Variants in SYN1 observed in about 807,000 individuals in gnomAD.
The protein encoded by SYN1 is synapsin-1.
SYN1 carries 8 observed loss-of-function variants against 44.6 expected under a neutral mutation model. The ratio of observed to expected loss-of-function variants is 0.18; its 90% CI spans 0.11 to 0.32. SYN1 has a LOEUF of 0.32. Ranked by LOEUF, SYN1 falls within the 10% of genes least tolerant of loss-of-function variation. SYN1 has a pLI of 1.00. For synonymous variants in SYN1, 275 were observed against 280.1 expected, an observed-to-expected ratio of 0.98 and a Z score of 0.18; for missense variants, 451 against 639.4, an observed-to-expected ratio of 0.71 and a Z score of 3.18.
intron 3 of SYN1, among the ~76,000 whole-genome samples, 198 bp downstream of exon 3, chrX:47,606,747 A>ATTT (rs1169667275): frequency 1.0e-5 from 1 of 99,639 alleles, no homozygotes; most frequent in African/African-American, 4.1e-5. Context: ...ATATATATAT[A>ATTT]TATATTTTTT....
intron 5 of SYN1, among the ~76,000 whole-genome samples, chrX:47,578,781 G>A (rs1243637428): frequency 1.8e-5 from 2 of 111,492 alleles, no homozygotes; most frequent in Admixed American, 9.4e-5. Context: ...ATTCCCGGAG[G>A]GGCTGCTGGG....
chrX:47,581,628 G>A (rs2057798655), intron 5 of SYN1, among the ~76,000 whole-genome samples: 1 of 111,993 alleles, frequency 8.9e-6, no homozygotes, highest in African/African-American at 3.2e-5. Flanking sequence ...TGTGATCTTA[G>A]GAAAATTCTA....
chrX:47,603,371 AT>A (rs773328544), intron 5 of SYN1, among the ~76,000 whole-genome samples: 1 of 110,541 alleles, frequency 9.0e-6, no homozygotes, highest in African/African-American at 3.3e-5. Context: ...TGATTTTTAA[AT>A]TTTTTGTAGA....
intron 1 of SYN1, among the ~76,000 whole-genome samples, chrX:47,611,653 T>C (rs1347759927): frequency 9.0e-6 from 1 of 111,545 alleles, no homozygotes; most frequent in Non-Finnish European, 1.9e-5. Context: ...TATCTGGACA[T>C]CCCATGGAAT....
intron 1 of SYN1, among the ~76,000 whole-genome samples, chrX:47,615,866 T>C (rs1354096644): frequency 2.8e-5 from 3 of 107,802 alleles, no homozygotes; most frequent in Non-Finnish European, 5.8e-5. Context: ...CACTCCAGCC[T>C]GGGCGACAGA....
intron 1 of SYN1, among the ~76,000 whole-genome samples, chrX:47,608,287 GAA>G (rs1569331362): frequency 0.18 from 1,390 of 7,840 alleles, 43 homozygotes; most frequent in African/African-American, 0.39. Flanking sequence ...AGGAAGGAAG[GAA>G]GGGGAAGGAA....
At chrX:47,601,798 T>C (rs2057880561) in intron 5 of SYN1, among the ~76,000 whole-genome samples, 1 of 111,714 alleles carries the variant, frequency 9.0e-6, no homozygotes, top group Non-Finnish European at 1.9e-5. Flanking sequence ...TCCTACAACA[T>C]ACAAAAAGGA....
At chrX:47,600,920 T>C (rs1413993555) in intron 5 of SYN1, among the ~76,000 whole-genome samples, 2 of 111,865 alleles carry the variant, frequency 1.8e-5, no homozygotes, top group African/African-American at 3.2e-5. Context: ...TAACTGCCTA[T>C]ATCTAAAAAG....
rs112183435 is a variant in SYN1, at chrX:47,586,520, G to A, written c.775-9019C>T. On this transcript the variant is annotated intron_variant, in intron 5 of 12. Transcript: ENST00000295987. ...AGAGATGTTTCCCTCCTCCCTTCCA[G>A]GTGTTTCCCTGTTTATCCATCCCCT... The A allele has an allele frequency of 8.3e-7, 1 of 1,209,780 alleles. No individual in the cohort carries two copies. Among genetic ancestry groups the A allele is most frequent in the Non-Finnish European group, 1.1e-6 (1 of 894,841 alleles).
intron 1 of SYN1, among the ~76,000 whole-genome samples, chrX:47,611,947 G>C (rs1487579146): frequency 2.7e-5 from 3 of 111,749 alleles, no homozygotes; most frequent in Non-Finnish European, 5.6e-5. Flanking sequence ...CATTCTGGAG[G>C]CAGCATGTCC....
At chrX:47,614,051 C>T (rs2057924364) in intron 1 of SYN1, among the ~76,000 whole-genome samples, 1 of 112,084 alleles carries the variant, frequency 8.9e-6, no homozygotes, top group Non-Finnish European at 1.9e-5. Context: ...GGGAACACTG[C>T]TACCAGGGGA....
At chrX:47,589,331 C>T (rs953752976) in intron 5 of SYN1, among the ~76,000 whole-genome samples, 12 of 102,362 alleles carry the variant, frequency 1.2e-4, no homozygotes, top group Admixed American at 5.4e-4. Context: ...TGGTGGCTTA[C>T]GCCTGTAATC....
At chrX:47,611,612 G>C (rs893727623) in intron 1 of SYN1, among the ~76,000 whole-genome samples, 1 of 111,587 alleles carries the variant, frequency 9.0e-6, no homozygotes, top group Admixed American at 9.5e-5. Flanking sequence ...CTCTCACCTG[G>C]TGTCATAATA....
chrX:47,607,222 T>C, intron 1 of SYN1, 24 bp from the exon 2 acceptor site: 2 of 1,196,889 alleles, frequency 1.7e-6, no homozygotes, highest in Non-Finnish European at 2.3e-6. Flanking sequence ...ACAACACATC[T>C]GTCAATGATG....
intron 5 of SYN1, among the ~76,000 whole-genome samples, chrX:47,578,198 G>A (rs1042415724): frequency 2.7e-5 from 3 of 109,992 alleles, no homozygotes; most frequent in Non-Finnish European, 1.9e-5. Context: ...ACACACCCAG[G>A]TTCCCTCCCC....
chrX:47,574,308 C>G lies in SYN1; in HGVS notation c.1676G>C (p.Gly559Ala). 3 of 1,092,045 alleles carry G rather than the reference C, an allele frequency of 2.7e-6. No individual in the cohort carries two copies. The highest frequency in any genetic ancestry group is 3.6e-6 in the Non-Finnish European group (3 of 842,904). The allele number at this position is 1,092,045 out of a possible 1,213,427, so 90.0% of individuals were successfully genotyped here. A position where few individuals can be genotyped will look rare whatever the true frequency, so the allele number is the denominator to read the frequency against. The change falls in exon 12 of 13, where the codon GGC (glycine) becomes GCC (alanine). Residue 559 changes from glycine to alanine, a missense_variant. Physicochemically the swap from Gly to Ala is moderately conservative, Grantham distance 60 (BLOSUM62 0). Around this residue, in one of 3 missense-constraint regions of SYN1, gnomAD observed 127 missense variants for 154.8 expected, o/e 0.82. Coordinates refer to ENST00000295987, the MANE Select transcript of SYN1 (RefSeq NM_006950.3). ...TGTCTGACGGGTAGCCTGTGGGGGGCCCGCCTGGCGCTGGGGAGACGGAGA... is the reference window on the plus strand; with the variant it reads ...TGTCTGACGGGTAGCCTGTGGGGGGGCCGCCTGGCGCTGGGGAGACGGAGA... ...PASPSPQRQA[G>A]PPQATRQTSV... is the part of the protein sequence containing the mutation.
In SYN1 at chrX:47,583,681, C is replaced by G. The variant is rs765533103; in HGVS notation, c.775-6180G>C. 1.2e-4 allele frequency: 78 copies of G among 662,725 alleles called. No individual in the cohort carries two copies. In the African/African-American group the frequency reaches 1.6e-3, roughly 14 times the overall value. The allele number at this position is 662,725 out of a possible 1,213,427, so 54.6% of individuals were successfully genotyped here. Reference sequence around the variant, plus strand: ...TAGCCACACTGGCATCCTCACACTTCCTTGAGTACTCTGTGCCCAAGCCCA... The same window carrying G: ...TAGCCACACTGGCATCCTCACACTTGCTTGAGTACTCTGTGCCCAAGCCCA... On this transcript the variant is annotated intron_variant, in intron 5 of 12. Transcript: ENST00000295987.
chrX:47,596,578 T>A (rs1000649794), intron 5 of SYN1, among the ~76,000 whole-genome samples: 1 of 112,477 alleles, frequency 8.9e-6, no homozygotes, highest in East Asian at 2.8e-4. Context: ...GACTTACTGG[T>A]TTCAGGTGAT....
At chrX:47,589,513 A>G (rs1424180813) in intron 5 of SYN1, among the ~76,000 whole-genome samples, 2 of 103,254 alleles carry the variant, frequency 1.9e-5, no homozygotes, top group Admixed American at 2.1e-4. Context: ...GGAGAATGGC[A>G]TGAACCTGGG....
Sources: gnomAD v4.1 joint callset for allele counts (sites outside exome capture counted in the v4.1 genomes callset) on GRCh38, gnomAD v4.1.1 for gene constraint, gnomAD v4.1.1 regional missense constraint, MANE v1.5 for transcripts, NCBI Gene and HGNC (gene_info 2026-07-23, HGNC 2026-07-21) for gene names.